The following NOX4 variants were observed in gnomAD, a reference collection of about 807,000 sequenced individuals.
NOX4 encodes the protein kidney oxidase-1.
NOX4 carries 69 observed loss-of-function variants against 87.6 expected under a neutral mutation model. The observed-to-expected ratio is 0.79, with a 90% CI of 0.65 to 0.96. The LOEUF is 0.96. Among genes scored for constraint, NOX4 ranks in the 40% least tolerant of loss-of-function variants. The probability of loss-of-function intolerance (pLI) is 0.00; values close to 1 mark genes in which losing one functional copy is unlikely to be tolerated. For synonymous variants in NOX4, 275 were observed against 238.2 expected (o/e 1.15, Z -1.42); for missense variants, 680 against 681.5 (o/e 1.00, Z 0.02).
chr11:89,547,189 C>T, the NOX4 span, among the ~76,000 whole-genome samples: 1 of 152,090 alleles, frequency 6.6e-6, no homozygotes, highest in Non-Finnish European at 1.5e-5. Flanking sequence ...GTAGAATTAA[C>T]ATACAGAGTC....
At chr11:89,402,948 A>T (rs1941961417) in intron 8 of NOX4, among the ~76,000 whole-genome samples, 1 of 152,168 alleles carries the variant, frequency 6.6e-6, no homozygotes, top group African/African-American at 2.4e-5. Context: ...GGAAAAATAC[A>T]GGGAATATAT....
At chr11:89,505,506 T>C in the NOX4 span, among the ~76,000 whole-genome samples, 1 of 151,822 alleles carries the variant, frequency 6.6e-6, no homozygotes, top group African/African-American at 2.4e-5. Context: ...AAGCTGAGAC[T>C]CAGAGGAGTC....
intron 11 of NOX4, among the ~76,000 whole-genome samples, chr11:89,392,421 G>A (rs1941196309): frequency 6.6e-6 from 1 of 152,136 alleles, no homozygotes; most frequent in African/African-American, 2.4e-5. Context: ...TCCGTGAGGT[G>A]AGGAAAAGCT....
chr11:89,457,681 G>T (rs924196565), intron 2 of NOX4, among the ~76,000 whole-genome samples: 2 of 152,008 alleles, frequency 1.3e-5, no homozygotes, highest in Non-Finnish European at 2.9e-5. Flanking sequence ...ACTTCCAAAG[G>T]CATCAAAGAA....
At chr11:89,488,916 T>A in intron 2 of NOX4, 1 of 677,624 alleles carries the variant, frequency 1.5e-6, no homozygotes, top group South Asian at 1.6e-5. Flanking sequence ...TTCCATTATA[T>A]TGTAAGCAAC....
chr11:89,394,661 C>T (rs1941353822), intron 11 of NOX4, among the ~76,000 whole-genome samples: 1 of 151,962 alleles, frequency 6.6e-6, no homozygotes, highest in Non-Finnish European at 1.5e-5. Context: ...TAGCCCCCCA[C>T]CCCATGACAG....
At chr11:89,387,813 G>A (rs901149508) in intron 11 of NOX4, among the ~76,000 whole-genome samples, 4 of 152,138 alleles carry the variant, frequency 2.6e-5, no homozygotes, top group Non-Finnish European at 4.4e-5. Context: ...AATTAGGTGA[G>A]AGCACACCTT....
intron 11 of NOX4, among the ~76,000 whole-genome samples, chr11:89,377,444 G>T (rs1392510363): frequency 1.3e-5 from 2 of 152,076 alleles, no homozygotes; most frequent in African/African-American, 4.8e-5. Context: ...CAGATCTGGA[G>T]AAATACGTAT....
intron 11 of NOX4, among the ~76,000 whole-genome samples, chr11:89,376,902 T>A (rs578124595): frequency 1.3e-3 from 203 of 151,024 alleles, no homozygotes; most frequent in Non-Finnish European, 2.5e-3. Flanking sequence ...AATAAAAAAT[T>A]CAAAAATTAG....
chr11:89,482,725 T>A (rs560329079), intron 2 of NOX4, among the ~76,000 whole-genome samples: 2 of 152,222 alleles, frequency 1.3e-5, no homozygotes, highest in East Asian at 3.9e-4. Context: ...ATAAGAATAA[T>A]GCATATATGC....
chr11:89,365,753 CAA>C (rs1213376592), intron 12 of NOX4, among the ~76,000 whole-genome samples: 330 of 56,626 alleles, frequency 5.8e-3, no homozygotes, highest in East Asian at 0.041. Context: ...ACCACGCCCA[CAA>C]AAAAAAAAAA....
chr11:89,345,749 C>T (rs1326545054), intron 13 of NOX4, among the ~76,000 whole-genome samples: 1 of 152,118 alleles, frequency 6.6e-6, no homozygotes, highest in East Asian at 1.9e-4. Flanking sequence ...TCCAACATCC[C>T]TTTATGGTAA....
At chr11:89,426,573 A>G (rs1943430003) in intron 7 of NOX4, among the ~76,000 whole-genome samples, 1 of 152,142 alleles carries the variant, frequency 6.6e-6, no homozygotes, top group Non-Finnish European at 1.5e-5. Context: ...CCAGGAGATT[A>G]TATCCCACGC....
chr11:89,466,407 A>G (rs868112805), intron 2 of NOX4, among the ~76,000 whole-genome samples: 1 of 152,228 alleles, frequency 6.6e-6, no homozygotes, highest in Non-Finnish European at 1.5e-5. Flanking sequence ...AATATAACAT[A>G]ATAATCCTAG....
chr11:89,421,869 A>G, intron 8 of NOX4, 33 bp downstream of exon 8: 1 of 1,367,732 alleles, frequency 7.3e-7, no homozygotes. Flanking sequence ...TTGGGGCACA[A>G]ATGGTTTTAA....
At chr11:89,449,248 C>T (rs1004293144) in intron 4 of NOX4, among the ~76,000 whole-genome samples, 192 bp downstream of exon 4, 10 of 152,124 alleles carry the variant, frequency 6.6e-5, no homozygotes, top group Non-Finnish European at 1.0e-4. Flanking sequence ...ACACGACAAT[C>T]TTACATTGTT....
the NOX4 span, among the ~76,000 whole-genome samples, chr11:89,558,705 G>C: frequency 1.3e-5 from 2 of 151,976 alleles, no homozygotes; most frequent in African/African-American, 4.8e-5. Flanking sequence ...CCAAGGATTC[G>C]TTGGCACAAA....
chr11:89,485,563 T>C (rs1018601964), intron 2 of NOX4, among the ~76,000 whole-genome samples: 19 of 152,062 alleles, frequency 1.2e-4, no homozygotes, highest in African/African-American at 4.6e-4. Context: ...CTCCTATAAA[T>C]GGTGTTTTGA....
chr11:89,518,577 A>T, the NOX4 span, among the ~76,000 whole-genome samples: 1 of 151,956 alleles, frequency 6.6e-6, no homozygotes, highest in African/African-American at 2.4e-5. Context: ...GTCTGGGTGA[A>T]CTCTATTCCT....
Sources: allele counts gnomAD v4.1 joint callset (sites outside exome capture counted in the v4.1 genomes callset), GRCh38; gene constraint gnomAD v4.1.1; transcripts MANE v1.5; gene names NCBI Gene and HGNC (gene_info 2026-07-23, HGNC 2026-07-21).